The following RAB1A variants were observed in gnomAD, a reference collection of about 807,000 sequenced individuals.
RAB1A encodes RAB1A, member RAS oncogene family.
In RAB1A, 2 loss-of-function variants were observed where a neutral mutation model predicts 26.0. That is an observed-to-expected ratio of 0.08 (90% confidence interval 0.03 to 0.24). The LOEUF is 0.24. Among genes scored for constraint, RAB1A ranks in the 10% least tolerant of loss-of-function variants. RAB1A has a pLI of 1.00. For missense variants in RAB1A, 100 were observed against 247.0 expected (o/e 0.40, Z 3.99); for synonymous variants, 84 against 84.9 (o/e 0.99, Z 0.06).
intron 1 of RAB1A, among the ~76,000 whole-genome samples, chr2:65,117,132 C>T (rs1427844048): frequency 6.9e-6 from 1 of 144,362 alleles, no homozygotes; most frequent in African/African-American, 2.5e-5. Flanking sequence ...GTGGTGCAAT[C>T]ACAGTTCACG....
At chr2:65,108,056 C>A (rs1358857410) in intron 1 of RAB1A, among the ~76,000 whole-genome samples, 95 of 127,136 alleles carry the variant, frequency 7.5e-4, no homozygotes, top group South Asian at 1.3e-3. Flanking sequence ...AGAGGAGTCT[C>A]AAAAAAAAAA....
chr2:65,096,030 G>A (rs1669275094), intron 3 of RAB1A, among the ~76,000 whole-genome samples: 1 of 152,162 alleles, frequency 6.6e-6, no homozygotes, highest in Admixed American at 6.5e-5. Context: ...GCGCACGCCT[G>A]TAATCCCAGC....
chr2:65,112,267 C>G (rs1481957020), intron 1 of RAB1A, among the ~76,000 whole-genome samples: 2 of 151,656 alleles, frequency 1.3e-5, no homozygotes, highest in Non-Finnish European at 2.9e-5. Context: ...CCTGCCTCAG[C>G]CTCCCTAGTA....
At chr2:65,117,390 G>C (rs940521499) in intron 1 of RAB1A, among the ~76,000 whole-genome samples, 3 of 151,882 alleles carry the variant, frequency 2.0e-5, no homozygotes, top group Non-Finnish European at 4.4e-5. Context: ...GCAGAAAGGG[G>C]ATCTTACTAG....
At chr2:65,099,639 C>A (rs1669372276) in intron 2 of RAB1A, among the ~76,000 whole-genome samples, 1 of 152,134 alleles carries the variant, frequency 6.6e-6, no homozygotes, top group Non-Finnish European at 1.5e-5. Context: ...ATTTTTCCCC[C>A]TTAAAGGGAC....
chr2:65,119,842 A>C (rs13004039), intron 1 of RAB1A, among the ~76,000 whole-genome samples: 270 of 17,186 alleles, frequency 0.016, 1 homozygote, highest in Admixed American at 0.018. Context: ...CTGTCTCTAC[A>C]AAAAAAAAAA....
chr2:65,116,972 A>G (rs1669841152), intron 1 of RAB1A, among the ~76,000 whole-genome samples: 1 of 152,256 alleles, frequency 6.6e-6, no homozygotes, highest in African/African-American at 2.4e-5. Context: ...AATGGATACA[A>G]TTAATTTCAA....
intron 1 of RAB1A, among the ~76,000 whole-genome samples, chr2:65,119,754 T>C (rs1573088937): frequency 7.6e-6 from 1 of 132,140 alleles, no homozygotes; most frequent in Non-Finnish European, 1.5e-5. Flanking sequence ...GCTGTAATCC[T>C]AGCACTTTGG....
At chr2:65,095,965 AACATGGTGAAACTCTGTCTCT>A (rs1669273448) in intron 3 of RAB1A, among the ~76,000 whole-genome samples, 1 of 152,060 alleles carries the variant, frequency 6.6e-6, no homozygotes, top group South Asian at 2.1e-4. Flanking sequence ...CAGCCTAACC[AACATGGTGAAACTCTGTCTCT>A]ACTAAAAATA....
chr2:65,088,787 T>A, intron 5 of RAB1A, 97 bp from the exon 6 acceptor site: 1 of 1,319,972 alleles, frequency 7.6e-7, no homozygotes, highest in Non-Finnish European at 1.0e-6. Flanking sequence ...GGAACTAAGT[T>A]CATTGGATCC....
At chr2:65,097,585 T>C (rs963143177) in intron 3 of RAB1A, among the ~76,000 whole-genome samples, 1 of 152,184 alleles carries the variant, frequency 6.6e-6, no homozygotes, top group Admixed American at 6.5e-5. Flanking sequence ...GAGCCACATA[T>C]GAAGAATCTC....
At chr2:65,118,902 G>C (rs1669884687) in intron 1 of RAB1A, among the ~76,000 whole-genome samples, 1 of 152,058 alleles carries the variant, frequency 6.6e-6, no homozygotes, top group Non-Finnish European at 1.5e-5. Flanking sequence ...TTTTAATGTA[G>C]AAAAGGCCAG....
chr2:65,127,943 C>A (rs532153970), intron 1 of RAB1A, among the ~76,000 whole-genome samples: 4 of 152,096 alleles, frequency 2.6e-5, no homozygotes, highest in African/African-American at 9.6e-5. Flanking sequence ...ACCGTGTTAC[C>A]GAGGATGGTC....
chr2:65,119,999 G>C (rs1558587233), intron 1 of RAB1A, among the ~76,000 whole-genome samples: 1 of 150,358 alleles, frequency 6.7e-6, no homozygotes, highest in Non-Finnish European at 1.5e-5. Context: ...CTCTTCATCA[G>C]GCAGATGCTA....
chr2:65,119,675 C>T (rs1380011419), intron 1 of RAB1A, among the ~76,000 whole-genome samples: 1 of 150,662 alleles, frequency 6.6e-6, no homozygotes, highest in Non-Finnish European at 1.5e-5. Flanking sequence ...AAGTGTGATT[C>T]ACTGCTTAAA....
intron 1 of RAB1A, 51 bp from the exon 2 acceptor site, chr2:65,104,857 A>G (rs569669440): frequency 5.1e-6 from 7 of 1,367,844 alleles, no homozygotes; most frequent in East Asian, 4.6e-5. Context: ...CTGCATTGCT[A>G]TAAGCTATAC....
At chr2:65,103,177 C>T (rs1558580120) in intron 2 of RAB1A, among the ~76,000 whole-genome samples, 1 of 151,272 alleles carries the variant, frequency 6.6e-6, no homozygotes. Flanking sequence ...ATCAGCCAGG[C>T]ATGATGGCGC....
At chr2:65,091,125 G>T in intron 3 of RAB1A, 47 bp from the exon 4 acceptor site, 2 of 1,486,492 alleles carry the variant, frequency 1.3e-6, no homozygotes, top group African/African-American at 1.4e-5. Flanking sequence ...TTAAAATAAA[G>T]TTGGGGAAAA....
At chr2:65,111,533 TA>T (rs1182881225) in intron 1 of RAB1A, among the ~76,000 whole-genome samples, 2 of 152,112 alleles carry the variant, frequency 1.3e-5, no homozygotes, top group African/African-American at 4.8e-5. Flanking sequence ...CTAAATACAA[TA>T]TGGTATACTG....
Sources: allele counts gnomAD v4.1 joint callset (sites outside exome capture counted in the v4.1 genomes callset), GRCh38; gene constraint gnomAD v4.1.1; transcripts MANE v1.5; gene names NCBI Gene and HGNC (gene_info 2026-07-23, HGNC 2026-07-21).